Variants in CAPS2 observed in about 807,000 individuals in gnomAD.
CAPS2 encodes calcyphosine 2, also known as calcyphosin-2.
Under a neutral mutation model 86.5 loss-of-function variants are expected in CAPS2, and 98 were observed. The ratio of observed to expected loss-of-function variants is 1.13; its 90% confidence interval spans 0.96 to 1.34. The LOEUF (loss-of-function observed/expected upper bound fraction) is 1.34, where lower values mean the gene tolerates loss of function less well. Ranked by LOEUF, CAPS2 falls within the 40% of genes most tolerant of loss-of-function variation. The probability of loss-of-function intolerance (pLI) is 0.00; values close to 1 mark genes in which losing one functional copy is unlikely to be tolerated. For missense variants in CAPS2, 729 were observed against 686.8 expected, an observed-to-expected ratio of 1.06 and a Z score of -0.69; for synonymous variants, 210 against 225.1, an observed-to-expected ratio of 0.93 and a Z score of 0.60.
chr12:75,305,371 T>A (rs1451418520), intron 7 of CAPS2: 1 of 371,878 alleles, frequency 2.7e-6, no homozygotes, highest in South Asian at 2.9e-5. Flanking sequence ...CAAGACTTCC[T>A]CTCCAGGAGT....
chr12:75,294,498 A>G (rs1487864704), intron 11 of CAPS2, among the ~76,000 whole-genome samples: 1 of 152,176 alleles, frequency 6.6e-6, no homozygotes, highest in East Asian at 1.9e-4. Flanking sequence ...GGGAGAGAGC[A>G]CTGTTATCTC....
intron 5 of CAPS2, 21 bp from the exon 6 acceptor site, chr12:75,316,455 T>A: frequency 6.6e-7 from 1 of 1,525,840 alleles, no homozygotes; most frequent in Non-Finnish European, 8.8e-7. Context: ...AAGAAATAAA[T>A]GAAGCATCAT....
chr12:75,314,108 C>T (rs560927857), intron 6 of CAPS2, among the ~76,000 whole-genome samples: 4 of 152,038 alleles, frequency 2.6e-5, no homozygotes, highest in South Asian at 2.1e-4. Context: ...TTAGTAGAGA[C>T]GGGGTTTTAC....
chr12:75,335,092 T>C (rs973832925), intron 1 of CAPS2, among the ~76,000 whole-genome samples: 4 of 152,208 alleles, frequency 2.6e-5, no homozygotes, highest in African/African-American at 9.7e-5. Context: ...AAAGGAAGAC[T>C]TGAAGCTGTT....
exon 17 of CAPS2, chr12:75,278,825 C>A (rs1593154968): frequency 7.3e-7 from 1 of 1,375,856 alleles, no homozygotes; most frequent in East Asian, 2.7e-5. Context: ...GTTTGATCAT[C>A]CTTTACATTG....
intron 1 of CAPS2, chr12:75,343,801 T>C: frequency 1.2e-6 from 2 of 1,613,474 alleles, no homozygotes; most frequent in Non-Finnish European, 1.7e-6. Context: ...AGCTTTTGAA[T>C]ATGTTGGAGA....
intron 8 of CAPS2, among the ~76,000 whole-genome samples, chr12:75,302,164 C>T (rs1035485678): frequency 2.0e-5 from 3 of 152,118 alleles, no homozygotes; most frequent in African/African-American, 7.2e-5. Context: ...ACTCTCTCCT[C>T]CTCTGGGAAA....
upstream of CAPS2, among the ~76,000 whole-genome samples, chr12:75,331,852 C>A (rs1315114146): frequency 3.9e-5 from 6 of 152,194 alleles, no homozygotes; most frequent in African/African-American, 1.4e-4. Flanking sequence ...CGTGAGCCAC[C>A]GCGCCCGGCC....
chr12:75,364,553 G>T (rs1158013983), intron 1 of CAPS2, among the ~76,000 whole-genome samples: 1 of 152,148 alleles, frequency 6.6e-6, no homozygotes, highest in Non-Finnish European at 1.5e-5. Context: ...ACATAGACAG[G>T]CATTCATTAA....
At chr12:75,341,747 C>CTTTTTTTT (rs1185408752) in intron 1 of CAPS2, among the ~76,000 whole-genome samples, 9 of 83,404 alleles carry the variant, frequency 1.1e-4, no homozygotes, top group African/African-American at 4.2e-4. Flanking sequence ...CGCCCGGCCT[C>CTTTTTTTT]TTTTTTTTTT....
chr12:75,383,130 T>C (rs1467231347), intron 1 of CAPS2, among the ~76,000 whole-genome samples: 1 of 152,226 alleles, frequency 6.6e-6, no homozygotes, highest in Non-Finnish European at 1.5e-5. Context: ...ATGTATTACA[T>C]GCCTCTTTAA....
chr12:75,384,984 T>A (rs548836732), intron 1 of CAPS2, among the ~76,000 whole-genome samples: 1 of 152,194 alleles, frequency 6.6e-6, no homozygotes, highest in Non-Finnish European at 1.5e-5. Flanking sequence ...AATGGATTAA[T>A]AGGATAATAA....
chr12:75,315,175 A>T (rs986057522), intron 6 of CAPS2, among the ~76,000 whole-genome samples: 1 of 152,178 alleles, frequency 6.6e-6, no homozygotes, highest in African/African-American at 2.4e-5. Context: ...TGCTCCTAAT[A>T]ATGTAGTTGT....
intron 7 of CAPS2, among the ~76,000 whole-genome samples, chr12:75,309,247 G>A (rs1287775459): frequency 1.3e-5 from 2 of 152,100 alleles, no homozygotes; most frequent in Non-Finnish European, 2.9e-5. Context: ...CCAAACTAAG[G>A]TAGATTTCAT....
chr12:75,299,986 A>C (rs1056015062), intron 8 of CAPS2, 75 bp from the exon 9 acceptor site: 3 of 584,430 alleles, frequency 5.1e-6, no homozygotes, highest in Non-Finnish European at 8.8e-6. Context: ...TGTACAAAAA[A>C]AGTTATGTTA....
intron 1 of CAPS2, among the ~76,000 whole-genome samples, chr12:75,354,169 G>GT (rs1408432266): frequency 1.4e-5 from 2 of 144,626 alleles, no homozygotes; most frequent in African/African-American, 5.1e-5. Context: ...AAAAAAAAGG[G>GT]GGGGGGGTAT....
chr12:75,332,332 C>T (rs2041389032), upstream of CAPS2, among the ~76,000 whole-genome samples: 1 of 152,198 alleles, frequency 6.6e-6, no homozygotes, highest in East Asian at 1.9e-4. Context: ...TGAAGCTCAA[C>T]TTTAAATTTT....
intron 1 of CAPS2, chr12:75,366,840 A>G: frequency 1.4e-6 from 1 of 700,092 alleles, no homozygotes; most frequent in East Asian, 2.7e-5. Flanking sequence ...GAACAGCTCT[A>G]TATGCATTTC....
chr12:75,376,785 T>G (rs1402793525), intron 1 of CAPS2, among the ~76,000 whole-genome samples: 1 of 152,154 alleles, frequency 6.6e-6, no homozygotes, highest in Non-Finnish European at 1.5e-5. Context: ...CACCTTTCAT[T>G]GCAGGTCAGC....
Sources: allele counts gnomAD v4.1 joint callset (sites outside exome capture counted in the v4.1 genomes callset), GRCh38; gene constraint gnomAD v4.1.1; transcripts MANE v1.5; gene names NCBI Gene and HGNC (gene_info 2026-07-23, HGNC 2026-07-21).